Variants in HOXC5 observed in about 807,000 individuals in gnomAD.
HOXC5 encodes homeobox C5, also known as homeobox protein Hox-C5.
In HOXC5, 19 loss-of-function variants were observed where a neutral mutation model predicts 20.1. The ratio of observed to expected loss-of-function variants is 0.94; its 90% CI spans 0.66 to 1.38. The LOEUF (loss-of-function observed/expected upper bound fraction) is 1.38, where lower values mean the gene tolerates loss of function less well. Among genes scored for constraint, HOXC5 ranks in the 40% most tolerant of loss-of-function variants. The pLI is 0.00. For synonymous variants in HOXC5, 124 were observed against 117.0 expected (o/e 1.06, Z -0.39); for missense variants, 330 against 300.1 (o/e 1.10, Z -0.74).
chr12:54,028,434 G>T (rs566083946), upstream of HOXC5: 259 of 1,409,300 alleles, frequency 1.8e-4, no homozygotes, highest in African/African-American at 3.3e-3. Context: ...GATTGGAGCC[G>T]TCCCTATAAC....
At chr12:54,029,779 C>T (rs151083984), upstream of HOXC5, 11,884 of 1,614,108 alleles carry the variant, frequency 7.4e-3, 60 homozygotes, top group Non-Finnish European at 8.5e-3. Context: ...TCGAGATCGC[C>T]AACGCGCTTT....
the HOXC5 span, chr12:54,022,729 C>T: frequency 1.3e-5 from 2 of 152,310 alleles, no homozygotes; most frequent in Middle Eastern, 3.4e-3. Flanking sequence ...GGAACCCACA[C>T]ACAAAACTCC....
At chr12:54,029,062 C>G, upstream of HOXC5, 1 of 821,642 alleles carries the variant, frequency 1.2e-6, no homozygotes, top group Non-Finnish European at 1.9e-6. Flanking sequence ...ACAGGGCCCC[C>G]TCTTCTGCCC....
At chr12:54,031,053 G>C (rs1053270779), upstream of HOXC5, among the ~76,000 whole-genome samples, 2 of 152,252 alleles carry the variant, frequency 1.3e-5, no homozygotes, top group African/African-American at 2.4e-5. Flanking sequence ...CACCCTGCGG[G>C]AAAAAGCCGC....
chr12:54,033,744 C>G (rs1235383501), intron 1 of HOXC5, among the ~76,000 whole-genome samples, 168 bp downstream of exon 1: 1 of 152,196 alleles, frequency 6.6e-6, no homozygotes, highest in Non-Finnish European at 1.5e-5. Flanking sequence ...CCCAAATTTA[C>G]GACGACATAA....
At chr12:54,032,959 CTATT>C (rs569382667), upstream of HOXC5, 1,300 of 622,780 alleles carry the variant, frequency 2.1e-3, 18 homozygotes, top group Non-Finnish European at 6.7e-4. Flanking sequence ...TCACGTGACT[CTATT>C]TAAGGCTCCC....
At chr12:54,031,331 G>A (rs1385948374), upstream of HOXC5, among the ~76,000 whole-genome samples, 3 of 152,228 alleles carry the variant, frequency 2.0e-5, no homozygotes, top group East Asian at 5.8e-4. Context: ...CGGAGGGAAA[G>A]AGAAGACCGC....
rs1360720116 is a variant in HOXC5, at chr12:54,034,519, C to T, written c.*27C>T. 6.3e-7 allele frequency: 1 copy of T among 1,579,396 alleles called. No homozygotes were observed. Among genetic ancestry groups the T allele is most frequent in the Admixed American group, 1.7e-5 (1 of 59,600 alleles). ...GGCAGCGGGGGAGGCCCGCAGAGCG[C>T]GCCCCTAGCCGGTTCCTGTCCCTGC... On this transcript the variant is annotated 3_prime_UTR_variant, in exon 2 of 2. Coordinates refer to ENST00000312492, the MANE Select transcript of HOXC5 (RefSeq NM_018953.4).
At position 54,033,101 on chromosome 12, in the gene HOXC5, AT is replaced by A. The variant is rs553289615; in HGVS notation, c.-15del. 3.3e-3 allele frequency: 5,281 copies of A among 1,588,846 alleles called. 268 individuals are homozygous for A. The Admixed American group carries it at 0.087, about 26-fold the overall frequency. On this transcript the variant is annotated 5_prime_UTR_variant, in exon 1 of 2. Transcript: ENST00000312492. ...ACCCTTAATCAAAAAGGGTGCAGAA[AT>A]TTTTTTGGGCCCTCCCCGCCATGAG...
the HOXC5 span, chr12:54,016,893 AC>A: frequency 6.6e-6 from 1 of 152,238 alleles, no homozygotes; most frequent in Admixed American, 6.5e-5. Context: ...GCTCCGCAGA[AC>A]AGTCCTCCCT....
the HOXC5 span, among the ~76,000 whole-genome samples, chr12:54,018,293 C>G: frequency 3.9e-5 from 6 of 152,218 alleles, no homozygotes; most frequent in Non-Finnish European, 7.3e-5. Flanking sequence ...CCCACTGGAC[C>G]GGGATGCCCG....
At chr12:54,025,931 G>T in the HOXC5 span, among the ~76,000 whole-genome samples, 1 of 151,886 alleles carries the variant, frequency 6.6e-6, no homozygotes, top group East Asian at 1.9e-4. Flanking sequence ...TTCTTCCAAG[G>T]TCCTTCCCTC....
At chr12:54,025,257 T>A in the HOXC5 span, among the ~76,000 whole-genome samples, 2 of 152,196 alleles carry the variant, frequency 1.3e-5, no homozygotes, top group African/African-American at 2.4e-5. Flanking sequence ...GTTTCCATAA[T>A]TGTTTTCAGA....
chr12:54,017,499 A>G, the HOXC5 span: 1 of 151,530 alleles, frequency 6.6e-6, no homozygotes, highest in African/African-American at 2.4e-5. Context: ...TCTCTTGGTT[A>G]GGGAGAAGAG....
chr12:54,032,192 T>C (rs569618334), upstream of HOXC5, among the ~76,000 whole-genome samples: 2 of 152,336 alleles, frequency 1.3e-5, no homozygotes, highest in African/African-American at 4.8e-5. Context: ...GTTGCCACTC[T>C]GGGGACCCTA....
chr12:54,033,347 C>T lies in HOXC5; in HGVS notation c.225C>T (p.Ala75=). The change falls in exon 1 of 2, where the codon GCC becomes GCT. Residue 75 remains alanine (A), a synonymous_variant. Coordinates refer to ENST00000312492, the MANE Select transcript of HOXC5 (RefSeq NM_018953.4). The part of the protein sequence containing the change: ...ANPRAHPDRP[A]CSAAAAPGHA... ...CCCGGGCTCACCCCGACCGCCCCGC[C>T]TGCAGCGCCGCGGCCGCTCCGGGAC... is the stretch of plus-strand genomic sequence containing the variant. The T allele has an allele frequency of 3.7e-6, 6 of 1,613,044 alleles. No individual in the cohort carries two copies. The highest frequency in any genetic ancestry group is 5.1e-6 in the Non-Finnish European group (6 of 1,179,488).
chr12:54,033,950 C>G (rs945551572), intron 1 of HOXC5: 1 of 484,908 alleles, frequency 2.1e-6, no homozygotes, highest in Non-Finnish European at 4.0e-6. Context: ...ATTCCAGCGA[C>G]TCGGGAGGGG....
At chr12:54,028,352 TC>T (rs60224235), upstream of HOXC5, 31 of 633,058 alleles carry the variant, frequency 4.9e-5, no homozygotes, top group Non-Finnish European at 7.7e-5. Flanking sequence ...GCGATTTTTT[TC>T]CCCCTTCCTG....
At position 54,034,506 on chromosome 12, in the gene HOXC5, G is replaced by A. The variant is rs1941127302; in HGVS notation, c.*14G>A. On this transcript the variant is annotated 3_prime_UTR_variant, in exon 2 of 2. Coordinates refer to ENST00000312492, the MANE Select transcript of HOXC5 (RefSeq NM_018953.4). ...GAGGCTCTTTAGAGGCAGCGGGGGA[G>A]GCCCGCAGAGCGCGCCCCTAGCCGG... 6.2e-7 allele frequency: 1 copy of A among 1,605,710 alleles called. No individual in the cohort carries two copies. Among genetic ancestry groups the A allele is most frequent in the African/African-American group, 1.3e-5 (1 of 74,710 alleles).
Sources: allele counts gnomAD v4.1 joint callset (sites outside exome capture counted in the v4.1 genomes callset), GRCh38; gene constraint gnomAD v4.1.1; transcripts MANE v1.5; gene names NCBI Gene and HGNC (gene_info 2026-07-23, HGNC 2026-07-21).